The following NR6A1 variants were observed in gnomAD, a reference collection of about 807,000 sequenced individuals.
NR6A1 encodes the protein nuclear receptor subfamily 6 group A member 1.
NR6A1 carries 7 observed loss-of-function variants against 59.1 expected under a neutral mutation model. The observed-to-expected ratio is 0.12, with a 90% CI of 0.07 to 0.22. NR6A1 has a LOEUF of 0.22. NR6A1 is among the 10% of genes least tolerant of loss of function. The pLI is 1.00. For missense variants in NR6A1, 468 were observed against 611.6 expected, an observed-to-expected ratio of 0.77 and a Z score of 2.48; for synonymous variants, 243 against 236.1, an observed-to-expected ratio of 1.03 and a Z score of -0.27.
At chr9:124,614,045 C>T (rs1443114979) in intron 2 of NR6A1, among the ~76,000 whole-genome samples, 1 of 152,138 alleles carries the variant, frequency 6.6e-6, no homozygotes, top group African/African-American at 2.4e-5. Flanking sequence ...TACAAATACC[C>T]ACCGAAGCCC....
intron 2 of NR6A1, among the ~76,000 whole-genome samples, chr9:124,564,073 G>A (rs1834163348): frequency 6.6e-6 from 1 of 152,032 alleles, no homozygotes; most frequent in Non-Finnish European, 1.5e-5. Context: ...GCAAGACGCT[G>A]TCTCTAAAAA....
intron 2 of NR6A1, among the ~76,000 whole-genome samples, chr9:124,643,052 A>G (rs1048475940): frequency 7.5e-6 from 1 of 133,386 alleles, no homozygotes; most frequent in Non-Finnish European, 1.5e-5. Context: ...TTTATCTAGC[A>G]CCTCTCAAGT....
At chr9:124,630,670 CTTTTTTTTTTTTT>C (rs71372980) in intron 2 of NR6A1, among the ~76,000 whole-genome samples, 5 of 59,520 alleles carry the variant, frequency 8.4e-5, no homozygotes, top group South Asian at 6.8e-4. Context: ...TACTACATTT[CTTTTTTTTTTTTT>C]TTTTTTTTTT....
chr9:124,741,864 T>C (rs536526323), intron 1 of NR6A1, among the ~76,000 whole-genome samples: 2 of 152,264 alleles, frequency 1.3e-5, no homozygotes, highest in Non-Finnish European at 2.9e-5. Flanking sequence ...CTCAATGATA[T>C]GATGCACTGA....
At chr9:124,541,377 T>A (rs1465060350) in intron 4 of NR6A1, among the ~76,000 whole-genome samples, 1 of 152,128 alleles carries the variant, frequency 6.6e-6, no homozygotes, top group Admixed American at 6.6e-5. Flanking sequence ...TATAAAAAGA[T>A]GCTCAATATC....
At chr9:124,533,812 G>A (rs1170714269) in intron 7 of NR6A1, among the ~76,000 whole-genome samples, 6 of 151,992 alleles carry the variant, frequency 3.9e-5, no homozygotes, top group South Asian at 4.2e-4. Flanking sequence ...CACCATGCCC[G>A]GCTAATTTTT....
intron 2 of NR6A1, among the ~76,000 whole-genome samples, chr9:124,712,786 T>A (rs1372244085): frequency 3.9e-5 from 6 of 152,226 alleles, no homozygotes; most frequent in Non-Finnish European, 1.5e-5. Flanking sequence ...ATTAAAAGGC[T>A]AGCCTGAGTT....
chr9:124,683,102 T>G (rs531984240), intron 2 of NR6A1, among the ~76,000 whole-genome samples: 23 of 152,066 alleles, frequency 1.5e-4, no homozygotes, highest in African/African-American at 5.5e-4. Flanking sequence ...CTTGGGAAGC[T>G]GAGGTGGGAG....
chr9:124,698,184 T>C (rs1435120445), intron 2 of NR6A1: 1 of 152,232 alleles, frequency 6.6e-6, no homozygotes, highest in Non-Finnish European at 1.5e-5. Context: ...GCATAAACTA[T>C]TTCAACAATT....
chr9:124,611,774 A>AGAGAGAGAGAGAGAGAGAAG (rs148472095), intron 2 of NR6A1, among the ~76,000 whole-genome samples: 1 of 105,666 alleles, frequency 9.5e-6, no homozygotes. Context: ...AGAGAGAGAG[A>AGAGAGAGAGAGAGAGAGAAG]GAGAGAGAAT....
At position 124,657,928 on chromosome 9, in the gene NR6A1, G is replaced by A. The variant is rs182572165; in HGVS notation, c.142+75380C>T. Among the ~76,000 whole-genome samples, 4 of 152,246 alleles carry A rather than the reference G, an allele frequency of 2.6e-5. No homozygotes were observed. In the East Asian group the frequency reaches 7.7e-4, roughly 29 times the overall value. On this transcript the variant is annotated intron_variant, in intron 2 of 9. Transcript: ENST00000487099. ...ATTTATATCATATAGAGGCTTCAAA[G>A]TCAAATATGCCACTTTTATTTTTAC...
chr9:124,585,652 A>G (rs1834909705), intron 2 of NR6A1, among the ~76,000 whole-genome samples: 1 of 151,916 alleles, frequency 6.6e-6, no homozygotes, highest in South Asian at 2.1e-4. Flanking sequence ...ACACTAAACA[A>G]CTGATGTTCA....
intron 2 of NR6A1, among the ~76,000 whole-genome samples, chr9:124,716,754 C>T (rs112736985): frequency 0.018 from 2,768 of 152,290 alleles, 77 homozygotes; most frequent in African/African-American, 0.062. Flanking sequence ...GCCACAGCCT[C>T]CTGAGTAGCT....
At chr9:124,535,608 G>C (rs1833237763) in intron 7 of NR6A1, among the ~76,000 whole-genome samples, 1 of 152,198 alleles carries the variant, frequency 6.6e-6, no homozygotes, top group Non-Finnish European at 1.5e-5. Flanking sequence ...AAAAATTACA[G>C]CTTAGCATTC....
intron 2 of NR6A1, among the ~76,000 whole-genome samples, chr9:124,613,846 T>C (rs1835819295): frequency 6.6e-6 from 1 of 152,112 alleles, no homozygotes; most frequent in Middle Eastern, 3.2e-3. Context: ...TATTTAAAAG[T>C]ATATAAAAGT....
chr9:124,590,061 CAAAAAAAAAAAAAAAAA>C (rs71372976), intron 2 of NR6A1, among the ~76,000 whole-genome samples: 1 of 30,868 alleles, frequency 3.2e-5, no homozygotes, highest in Non-Finnish European at 6.2e-5. Context: ...AAGACTCTGT[CAAAAAAAAAAAAAAAAA>C]AAAAAAAAAA....
chr9:124,713,607 A>C (rs1391433491), intron 2 of NR6A1, among the ~76,000 whole-genome samples: 6 of 152,258 alleles, frequency 3.9e-5, no homozygotes, highest in Non-Finnish European at 7.3e-5. Context: ...TCTCCAAAGA[A>C]GACACACAAA....
Position 124,688,092 on chromosome 9 carries a change from T to C in NR6A1, c.142+45216A>G, listed in dbSNP as rs1025309354. Among the ~76,000 whole-genome samples the C allele has an allele frequency of 1.6e-4, 24 of 151,952 alleles. 1 individual carries two copies. The highest frequency in any genetic ancestry group is 1.9e-4 in the East Asian group (1 of 5,182). On this transcript the variant is annotated intron_variant, in intron 2 of 9. Transcript: ENST00000487099. ...ATCTCACCACTTTGGGAGGCCTAGG[T>C]GGGAGGACTGTTTGAGGCATGGAGT... is the stretch of plus-strand genomic sequence containing the variant.
At chr9:124,748,206 G>C (rs1317305520) in intron 1 of NR6A1, among the ~76,000 whole-genome samples, 1 of 152,166 alleles carries the variant, frequency 6.6e-6, no homozygotes, top group African/African-American at 2.4e-5. Context: ...ATAAGGCTAA[G>C]TGATCTACTC....
Sources: gnomAD v4.1 joint callset for allele counts (sites outside exome capture counted in the v4.1 genomes callset) on GRCh38, gnomAD v4.1.1 for gene constraint, MANE v1.5 for transcripts, NCBI Gene and HGNC (gene_info 2026-07-23, HGNC 2026-07-21) for gene names.